TTLL5: variants seen among roughly 807,000 people sequenced by gnomAD.
TTLL5 encodes tubulin tyrosine ligase like 5, also known as tubulin polyglutamylase TTLL5.
In TTLL5, 132 loss-of-function variants were observed where a neutral mutation model predicts 168.4. The ratio of observed to expected loss-of-function variants is 0.78; its 90% CI spans 0.68 to 0.91. The LOEUF is 0.91. Ranked by LOEUF, TTLL5 falls within the 40% of genes least tolerant of loss-of-function variation. TTLL5 has a pLI of 0.00. For missense variants in TTLL5, 1,545 were observed against 1,581.5 expected, an observed-to-expected ratio of 0.98 and a Z score of 0.39; for synonymous variants, 546 against 558.6, an observed-to-expected ratio of 0.98 and a Z score of 0.32.
intron 30 of TTLL5, among the ~76,000 whole-genome samples, chr14:75,898,000 A>C (rs1343266556): frequency 6.6e-6 from 1 of 152,150 alleles, no homozygotes; most frequent in East Asian, 1.9e-4. Context: ...TGTAGTGTAA[A>C]GTTAATGGCA....
intron 27 of TTLL5, among the ~76,000 whole-genome samples, chr14:75,798,440 T>A (rs918669359): frequency 6.6e-6 from 1 of 152,066 alleles, no homozygotes; most frequent in African/African-American, 2.4e-5. Flanking sequence ...GTATTGGGTT[T>A]TTTTGTTTGT....
chr14:75,825,062 CT>C (rs1895046692), intron 28 of TTLL5, among the ~76,000 whole-genome samples: 1 of 152,082 alleles, frequency 6.6e-6, no homozygotes, highest in Non-Finnish European at 1.5e-5. Context: ...ATTTCCCCAT[CT>C]TTTTTTCAAT....
At chr14:75,682,914 A>G (rs577105188) in intron 4 of TTLL5, among the ~76,000 whole-genome samples, 6 of 151,968 alleles carry the variant, frequency 3.9e-5, no homozygotes, top group Non-Finnish European at 7.4e-5. Context: ...CTACAGGTGC[A>G]TGGCACCACT....
intron 27 of TTLL5, among the ~76,000 whole-genome samples, chr14:75,805,049 C>G (rs565737060): frequency 1.8e-4 from 28 of 152,192 alleles, no homozygotes; most frequent in Non-Finnish European, 2.9e-4. Flanking sequence ...TGGCTCTAGT[C>G]TCCCTTCTGC....
At chr14:75,746,553 TTTTC>T (rs200901552) in intron 17 of TTLL5, among the ~76,000 whole-genome samples, 1,822 of 100,256 alleles carry the variant, frequency 0.018, 27 homozygotes, top group African/African-American at 0.063. Context: ...TCCTCTTTTC[TTTTC>T]TTTTTTTTTT....
intron 28 of TTLL5, among the ~76,000 whole-genome samples, chr14:75,856,220 G>A (rs767105739): frequency 4.6e-5 from 7 of 152,226 alleles, no homozygotes; most frequent in South Asian, 2.1e-4. Context: ...AAAATTAGCC[G>A]AGTGTGGTGG....
At chr14:75,676,695 A>C (rs2140106296) in intron 3 of TTLL5, among the ~76,000 whole-genome samples, 1 of 152,174 alleles carries the variant, frequency 6.6e-6, no homozygotes, top group East Asian at 1.9e-4. Context: ...CAGATTTGCC[A>C]CTGAGTGTGG....
intron 31 of TTLL5, among the ~76,000 whole-genome samples, chr14:75,929,759 A>T (rs2034212252): frequency 1.3e-5 from 2 of 152,072 alleles, no homozygotes; most frequent in Admixed American, 6.5e-5. Context: ...GGCCAAAGAT[A>T]CCTATTTTTC....
At chr14:75,718,043 C>T in intron 10 of TTLL5, 81 bp downstream of exon 10, 3 of 1,196,048 alleles carry the variant, frequency 2.5e-6, no homozygotes, top group Non-Finnish European at 3.7e-6. Context: ...TAACATGTGG[C>T]ACTGGAGGAC....
intron 31 of TTLL5, among the ~76,000 whole-genome samples, chr14:75,918,320 G>C (rs148104104): frequency 6.6e-5 from 10 of 152,242 alleles, no homozygotes; most frequent in South Asian, 4.2e-4. Flanking sequence ...GAGGAAGAAG[G>C]GGGGATGGCT....
intron 17 of TTLL5, among the ~76,000 whole-genome samples, chr14:75,746,297 TGAATATACCA>T (rs775872157): frequency 6.6e-6 from 1 of 152,220 alleles, no homozygotes; most frequent in Non-Finnish European, 1.5e-5. Context: ...CAGAATTTGT[TGAATATACCA>T]GAATATACCA....
chr14:75,799,930 A>T (rs1442443880), intron 27 of TTLL5, among the ~76,000 whole-genome samples: 1 of 152,186 alleles, frequency 6.6e-6, no homozygotes, highest in Non-Finnish European at 1.5e-5. Context: ...AGATAACCTG[A>T]TGACTATGTG....
intron 29 of TTLL5, among the ~76,000 whole-genome samples, chr14:75,864,291 C>A (rs1413360365): frequency 4.6e-5 from 7 of 152,172 alleles, no homozygotes; most frequent in Non-Finnish European, 1.0e-4. Context: ...CATTATCTAA[C>A]AAGATTTTCA....
intron 31 of TTLL5, among the ~76,000 whole-genome samples, chr14:75,912,179 CTT>C (rs556759048): frequency 5.4e-5 from 8 of 146,892 alleles, no homozygotes; most frequent in Non-Finnish European, 4.5e-5. Flanking sequence ...TGTTTCTCTC[CTT>C]TTTTTTTTTT....
intron 3 of TTLL5, among the ~76,000 whole-genome samples, chr14:75,672,298 G>A (rs924782258): frequency 1.2e-4 from 19 of 152,094 alleles, no homozygotes; most frequent in Non-Finnish European, 5.9e-5. Context: ...CCAGGCTGGA[G>A]TGCAGTGGCA....
chr14:75,759,514 C>T (rs1468716367), intron 18 of TTLL5, among the ~76,000 whole-genome samples: 1 of 152,066 alleles, frequency 6.6e-6, no homozygotes, highest in Non-Finnish European at 1.5e-5. Context: ...AGGGACACTT[C>T]CCAGTTCATC....
intron 31 of TTLL5, among the ~76,000 whole-genome samples, chr14:75,934,070 C>T (rs10131521): frequency 0.011 from 1,731 of 152,340 alleles, 32 homozygotes; most frequent in African/African-American, 0.04. Context: ...ATACAGCTGG[C>T]TTATCCCATA....
At chr14:75,756,260 CA>C (rs1306386584) in intron 18 of TTLL5, among the ~76,000 whole-genome samples, 8 of 150,340 alleles carry the variant, frequency 5.3e-5, no homozygotes, top group South Asian at 4.2e-4. Context: ...TGTCTCTTTA[CA>C]AAAAAAAATC....
chr14:75,716,306 T>A (rs1192669538), intron 9 of TTLL5, among the ~76,000 whole-genome samples: 1 of 152,206 alleles, frequency 6.6e-6, no homozygotes, highest in Non-Finnish European at 1.5e-5. Context: ...ACTCTTGTCT[T>A]TTAGCCTAGT....
Sources: gnomAD v4.1 joint callset for allele counts (sites outside exome capture counted in the v4.1 genomes callset) on GRCh38, gnomAD v4.1.1 for gene constraint, MANE v1.5 for transcripts, NCBI Gene and HGNC (gene_info 2026-07-23, HGNC 2026-07-21) for gene names.